Variants in VIT observed in about 807,000 individuals in gnomAD.
The protein encoded by VIT is vitrin.
VIT carries 99 observed loss-of-function variants against 78.0 expected under a neutral mutation model. The ratio of observed to expected loss-of-function variants is 1.27; its 90% CI spans 1.08 to 1.50. The LOEUF (loss-of-function observed/expected upper bound fraction) is 1.50. VIT is among the 40% of genes most tolerant of loss of function. The pLI is 0.00. For missense variants in VIT, 1,126 were observed against 875.3 expected, an observed-to-expected ratio of 1.29 and a Z score of -3.61; for synonymous variants, 374 against 334.3, an observed-to-expected ratio of 1.12 and a Z score of -1.29.
rs201530375 is a variant in VIT, at chr2:36,723,795, T to TA, written c.53-5625dup. Among the ~76,000 whole-genome samples, 985 of 151,654 alleles carry TA rather than the reference T, an allele frequency of 6.5e-3. 13 individuals are homozygous for TA. Among genetic ancestry groups the TA allele is most frequent in the African/African-American group, 0.023 (931 of 41,370 alleles). On this transcript the variant is annotated intron_variant, in intron 2 of 15. Coordinates refer to ENST00000379242, the MANE Select transcript of VIT (RefSeq NM_053276.4). ...AGTGAGGCTCTGTCTCTATAAAAAA[T>TA]AAAAAAGTAGCCAGGCACGGTGGCA... is the stretch of plus-strand genomic sequence containing the variant.
intron 1 of VIT, among the ~76,000 whole-genome samples, chr2:36,705,824 C>T (rs1443100933): frequency 6.6e-6 from 1 of 152,138 alleles, no homozygotes; most frequent in Non-Finnish European, 1.5e-5. Context: ...GTTTCTCAGC[C>T]CTGGCGCTAT....
chr2:36,728,032 G>C (rs4670167), intron 2 of VIT, among the ~76,000 whole-genome samples: 1 of 151,858 alleles, frequency 6.6e-6, no homozygotes, highest in Non-Finnish European at 1.5e-5. Flanking sequence ...GGGTTCAAGC[G>C]ATTCTCCTGC....
chr2:36,748,991 G>A (rs1377051843), intron 4 of VIT, among the ~76,000 whole-genome samples: 3 of 152,092 alleles, frequency 2.0e-5, no homozygotes, highest in Non-Finnish European at 2.9e-5. Flanking sequence ...TGTTTTCTCC[G>A]TCGACCTTAC....
At chr2:36,766,504 C>A (rs980066035) in intron 6 of VIT, among the ~76,000 whole-genome samples, 2 of 152,086 alleles carry the variant, frequency 1.3e-5, no homozygotes, top group Admixed American at 1.3e-4. Context: ...GCACTGCAGC[C>A]TGGGTGACAG....
In VIT at chr2:36,805,565, A is replaced by G. The variant is rs1247329056; in HGVS notation, c.1290A>G (p.Arg430=). 1 of 1,614,078 alleles carries G rather than the reference A, an allele frequency of 6.2e-7. No homozygotes were observed. The highest frequency in any genetic ancestry group is 2.2e-5 in the East Asian group (1 of 44,876). Residue 430 remains arginine (R), a synonymous_variant, in exon 14 of 16, where the codon AGA becomes AGG. Transcript: ENST00000379242. ...WPTDKVEEAS[R]LARESGINIF... ...CGGACAAAGTGGAGGAGGCTTCAAG[A>G]CTTGCGAGAGAGTCAGGAATCAACA...
At chr2:36,699,633 G>GATAGAT (rs1558495811) in intron 1 of VIT, among the ~76,000 whole-genome samples, 1 of 149,466 alleles carries the variant, frequency 6.7e-6, no homozygotes, top group African/African-American at 2.5e-5. Flanking sequence ...TAGGTAGATA[G>GATAGAT]ATAGATAGAT....
chr2:36,727,269 TTCCCTCAGGCACAC>T (rs1218862555), intron 2 of VIT, among the ~76,000 whole-genome samples: 1 of 152,188 alleles, frequency 6.6e-6, no homozygotes, highest in African/African-American at 2.4e-5. Context: ...GCATTCAGCC[TTCCCTCAGGCACAC>T]TCGTATGCAC....
At chr2:36,810,895 A>C (rs1667114105) in intron 15 of VIT, among the ~76,000 whole-genome samples, 1 of 152,068 alleles carries the variant, frequency 6.6e-6, no homozygotes, top group Non-Finnish European at 1.5e-5. Context: ...CAGCTTCCCA[A>C]AGTGCTGGGA....
intron 1 of VIT, among the ~76,000 whole-genome samples, chr2:36,702,742 C>T (rs1419844439): frequency 6.6e-6 from 1 of 152,170 alleles, no homozygotes; most frequent in Non-Finnish European, 1.5e-5. Flanking sequence ...GTTCCCTGAG[C>T]TTCACAGGGG....
At chr2:36,732,284 A>G (rs1422782658) in intron 3 of VIT, among the ~76,000 whole-genome samples, 3 of 152,242 alleles carry the variant, frequency 2.0e-5, no homozygotes, top group African/African-American at 7.2e-5. Flanking sequence ...AGAGATCTCA[A>G]ATGGATTGAA....
chr2:36,705,643 C>T (rs1186200709), intron 1 of VIT, among the ~76,000 whole-genome samples: 2 of 152,148 alleles, frequency 1.3e-5, no homozygotes, highest in Non-Finnish European at 2.9e-5. Flanking sequence ...AACATCTTTG[C>T]TGCAGGATTT....
chr2:36,770,257 A>T (rs1669667345), intron 7 of VIT, among the ~76,000 whole-genome samples: 2 of 152,234 alleles, frequency 1.3e-5, no homozygotes, highest in Admixed American at 1.3e-4. Flanking sequence ...TCGGCTTAGG[A>T]CACCTGAAGG....
At position 36,710,565 on chromosome 2, in the gene VIT, C is replaced by T. The variant is rs531618116; in HGVS notation, c.-18-5788C>T. ...TCTCCAGGACTCTCCACTCCCACTC[C>T]CCAGGCTCCTGGATACCACTGATGT... On this transcript the variant is annotated intron_variant, in intron 1 of 15. Coordinates refer to ENST00000379242, the MANE Select transcript of VIT (RefSeq NM_053276.4). Among the ~76,000 whole-genome samples, 6 of 152,240 alleles carry T rather than the reference C, an allele frequency of 3.9e-5. No individual in the cohort carries two copies. The South Asian group carries it at 1.2e-3, about 32-fold the overall frequency.
intron 11 of VIT, among the ~76,000 whole-genome samples, chr2:36,784,196 A>G (rs1397763373): frequency 1.3e-5 from 2 of 152,240 alleles, no homozygotes; most frequent in Non-Finnish European, 2.9e-5. Context: ...AGTAGCCTGC[A>G]AGGTATGGAA....
intron 12 of VIT, among the ~76,000 whole-genome samples, chr2:36,797,194 G>T (rs1186334878): frequency 6.6e-6 from 1 of 151,842 alleles, no homozygotes; most frequent in African/African-American, 2.4e-5. Context: ...ACAGTTTGGG[G>T]GCTCTCTTAA....
chr2:36,763,200 CT>C (rs1380594601), intron 6 of VIT, among the ~76,000 whole-genome samples: 1 of 152,164 alleles, frequency 6.6e-6, no homozygotes, highest in Non-Finnish European at 1.5e-5. Flanking sequence ...GAGTCAGAAT[CT>C]CCACGACCAG....
chr2:36,782,684 A>G (rs1382011233), intron 10 of VIT, among the ~76,000 whole-genome samples: 1 of 152,224 alleles, frequency 6.6e-6, no homozygotes, highest in East Asian at 1.9e-4. Context: ...GCTCCCATGT[A>G]CATGGCTCTA....
intron 1 of VIT, among the ~76,000 whole-genome samples, chr2:36,710,181 A>T (rs1269601603): frequency 6.6e-6 from 1 of 152,198 alleles, no homozygotes; most frequent in Non-Finnish European, 1.5e-5. Context: ...AATACTTCTT[A>T]AGTGTCCCTT....
At chr2:36,764,937 A>G (rs1669329519) in intron 6 of VIT, among the ~76,000 whole-genome samples, 1 of 151,902 alleles carries the variant, frequency 6.6e-6, no homozygotes, top group Non-Finnish European at 1.5e-5. Context: ...TTCAGATGCT[A>G]TCTTCTTGGT....
Sources: allele counts gnomAD v4.1 joint callset (sites outside exome capture counted in the v4.1 genomes callset), GRCh38; gene constraint gnomAD v4.1.1; transcripts MANE v1.5; gene names NCBI Gene and HGNC (gene_info 2026-07-23, HGNC 2026-07-21).